Variants in TBC1D13 observed in about 807,000 individuals in gnomAD.
TBC1D13 encodes TBC1 domain family member 13.
A neutral mutation model predicts 53.6 loss-of-function variants in TBC1D13; 40 were observed. That is an observed-to-expected ratio of 0.75 (90% CI 0.58 to 0.97). TBC1D13 has a LOEUF of 0.97. Among genes scored for constraint, TBC1D13 ranks in the 50% least tolerant of loss-of-function variants. The probability of loss-of-function intolerance (pLI) is 0.00; values close to 1 mark genes in which losing one functional copy is unlikely to be tolerated. For missense variants in TBC1D13, 377 were observed against 499.4 expected (o/e 0.75, Z 2.34); for synonymous variants, 182 against 197.7 (o/e 0.92, Z 0.67).
rs1353082014 is a variant in TBC1D13, at chr9:128,804,166, A to G, written c.918+47A>G. On this transcript the variant is annotated intron_variant, in intron 9 of 11. Coordinates refer to ENST00000372648, the MANE Select transcript of TBC1D13 (RefSeq NM_018201.5). ...GGGTGGAAAGGGACAGGAGGCAGAG[A>G]GTTGCTGTGCCATCCCAGCCCAGGG... is the stretch of plus-strand genomic sequence containing the variant. 6 of 1,597,880 alleles carry G rather than the reference A, an allele frequency of 3.8e-6. No homozygotes were observed. In the African/African-American group the frequency reaches 6.7e-5, roughly 18 times the overall value.
intron 3 of TBC1D13, 21 bp downstream of exon 3, chr9:128,790,796 G>A: frequency 6.4e-7 from 1 of 1,558,486 alleles, no homozygotes; most frequent in Admixed American, 2.2e-5. Flanking sequence ...CTGGGGTGGG[G>A]CTTCTGCTCT....
At chr9:128,807,066 G>A (rs10988124) in intron 11 of TBC1D13, among the ~76,000 whole-genome samples, 84,326 of 151,164 alleles carry the variant, frequency 0.56, 28,306 homozygotes, top group Non-Finnish European at 0.72. Flanking sequence ...TCACCAGCAC[G>A]TGGCCTTAGT....
In TBC1D13 at chr9:128,793,354, T is replaced by C. The variant is rs538970241; in HGVS notation, c.383+780T>C. On this transcript the variant is annotated intron_variant, in intron 6 of 11. Coordinates refer to ENST00000372648, the MANE Select transcript of TBC1D13 (RefSeq NM_018201.5). ...TCCACTTGGTAAAGAAATGTGGAGA[T>C]GCTGGCTGTGCGGCCCTGTCGGGCT... Among the ~76,000 whole-genome samples, 4 of 152,376 alleles carry C rather than the reference T, an allele frequency of 2.6e-5. No homozygotes were observed. The East Asian group carries it at 7.7e-4, about 29-fold the overall frequency.
intron 9 of TBC1D13, among the ~76,000 whole-genome samples, chr9:128,804,841 G>T (rs1829803259): frequency 6.9e-6 from 1 of 144,190 alleles, no homozygotes; most frequent in Non-Finnish European, 1.5e-5. Flanking sequence ...CAATTCTCAT[G>T]CCTCAGCCTC....
At chr9:128,803,208 C>T (rs781599201) in intron 7 of TBC1D13, 42 bp from the exon 8 acceptor site, 1 of 1,584,702 alleles carries the variant, frequency 6.3e-7, no homozygotes, top group Non-Finnish European at 8.7e-7. Context: ...CCACTGACCC[C>T]AGCATTGTCT....
chr9:128,807,091 G>GTTT lies in TBC1D13; in HGVS notation c.1138-712_1138-710dup, dbSNP rs143057849. Reference sequence around the variant, plus strand: ...GTGGCCTTAGTGTTGCTTTGTTGTTGTTTTTTTTTTTTTGAGACAGAGTCT... The same window carrying GTTT: ...GTGGCCTTAGTGTTGCTTTGTTGTTGTTTTTTTTTTTTTTTTGAGACAGAGTCT... On this transcript the variant is annotated intron_variant, in intron 11 of 11. Coordinates refer to ENST00000372648, the MANE Select transcript of TBC1D13 (RefSeq NM_018201.5). Among the ~76,000 whole-genome samples, 1,138 of 141,858 alleles carry GTTT rather than the reference G, an allele frequency of 8.0e-3. 7 individuals carry two copies. Among genetic ancestry groups the GTTT allele is most frequent in the Middle Eastern group, 0.038 (10 of 266 alleles). The allele number at this position is 141,858 out of a possible 152,430, so 93.1% of individuals were successfully genotyped here. A position where few individuals can be genotyped will look rare whatever the true frequency, so the allele number is the denominator to read the frequency against.
intron 6 of TBC1D13, among the ~76,000 whole-genome samples, chr9:128,795,651 G>A (rs1026568144): frequency 6.6e-6 from 1 of 151,890 alleles, no homozygotes; most frequent in African/African-American, 2.4e-5. Context: ...CATTAGAGAC[G>A]AGGTTTCACC....
intron 1 of TBC1D13, 116 bp from the exon 2 acceptor site, chr9:128,788,218 T>C: frequency 8.3e-6 from 7 of 841,084 alleles, no homozygotes; most frequent in Non-Finnish European, 1.4e-5. Flanking sequence ...GATTTTTATG[T>C]CCTAAAGGGG....
At chr9:128,803,223 T>C (rs771439558) in intron 7 of TBC1D13, 27 bp from the exon 8 acceptor site, 1 of 1,606,534 alleles carries the variant, frequency 6.2e-7, no homozygotes, top group East Asian at 2.2e-5. Context: ...TTGTCTTTCT[T>C]GATGGGCTCC....
At chr9:128,804,730 T>G (rs1171809256) in intron 9 of TBC1D13, among the ~76,000 whole-genome samples, 5 of 101,160 alleles carry the variant, frequency 4.9e-5, no homozygotes, top group East Asian at 2.7e-4. Context: ...GTTTTTTTTT[T>G]TTTTTTTTTT....
At chr9:128,800,930 G>A (rs1366914022) in intron 7 of TBC1D13, among the ~76,000 whole-genome samples, 5 of 152,262 alleles carry the variant, frequency 3.3e-5, no homozygotes, top group South Asian at 4.1e-4. Context: ...GGGAGGCCAA[G>A]GCAGGTGGAT....
At chr9:128,797,320 C>A in intron 7 of TBC1D13, 106 bp downstream of exon 7, 3 of 1,234,172 alleles carry the variant, frequency 2.4e-6, no homozygotes, top group African/African-American at 1.5e-5. Context: ...ATCTGCTTGA[C>A]AGTTACTCAG....
intron 9 of TBC1D13, among the ~76,000 whole-genome samples, chr9:128,805,005 A>T (rs1011362363): frequency 6.6e-6 from 1 of 152,174 alleles, no homozygotes; most frequent in Non-Finnish European, 1.5e-5. Flanking sequence ...CTGGGATTAC[A>T]GGCATGAGCC....
chr9:128,806,074 A>G, intron 10 of TBC1D13, 55 bp downstream of exon 10: 1 of 1,597,578 alleles, frequency 6.3e-7, no homozygotes, highest in South Asian at 1.1e-5. Flanking sequence ...TGGAGAAGCC[A>G]GACAGGAGGA....
chr9:128,810,167 G>A lies in TBC1D13; in HGVS notation c.*2288G>A, dbSNP rs761544709. The stretch of plus-strand genomic sequence containing the variant: ...CCCAGCAGGACACCGCCTGCAGAAA[G>A]GACCTGCCCTGATAATGTCCCTTCC... On this transcript the variant is annotated 3_prime_UTR_variant, in exon 12 of 12. Transcript: ENST00000372648. 4.6e-5 allele frequency: 7 copies of A among 152,194 alleles called. No homozygotes were observed. The highest frequency in any genetic ancestry group is 7.3e-5 in the Non-Finnish European group (5 of 68,058). 9.4% of individuals were successfully genotyped at this position (152,194 alleles called of 1,614,324 possible). A position where few individuals can be genotyped will look rare whatever the true frequency, so the allele number is the denominator to read the frequency against.
intron 11 of TBC1D13, among the ~76,000 whole-genome samples, chr9:128,806,968 G>T (rs1449178386): frequency 3.3e-5 from 5 of 151,720 alleles, no homozygotes; most frequent in Non-Finnish European, 7.4e-5. Context: ...TGGGCTCAAG[G>T]GCCTACAGCT....
At position 128,789,812 on chromosome 9, in the gene TBC1D13, T is replaced by TATATATATATGTATGTATGTATAA. The variant is rs11269563; in HGVS notation, c.98-922_98-921insTATATATATGTATGTATGTATAAA. The TATATATATATGTATGTATGTATAA allele has an allele frequency of 4.2e-4, 56 of 132,310 alleles. 1 individual carries two copies. The highest frequency in any genetic ancestry group is 1.5e-3 in the African/African-American group (52 of 33,632). The allele number at this position is 132,310 out of a possible 1,614,324, so 8.2% of individuals were successfully genotyped here. On this transcript the variant is annotated intron_variant, in intron 2 of 11. Transcript: ENST00000372648. The stretch of plus-strand genomic sequence containing the variant: ...TACACCATATATATATATATATATA[T>TATATATATATGTATGTATGTATAA]AATAATTCCACTTATGACAGATGCT...
Position 128,791,394 on chromosome 9 carries a change from C to T in TBC1D13, c.153C>T (p.Tyr51=), listed in dbSNP as rs766690492. 1 of 1,614,190 alleles carries T rather than the reference C, an allele frequency of 6.2e-7. No individual in the cohort carries two copies. The highest frequency in any genetic ancestry group is 1.1e-5 in the South Asian group (1 of 91,086). Residue 51 remains tyrosine, a synonymous_variant, in exon 4 of 12, where the codon TAC becomes TAT. Coordinates refer to ENST00000372648, the MANE Select transcript of TBC1D13 (RefSeq NM_018201.5). The part of the protein sequence containing the change: ...RCLCWKILLN[Y]LPLERASWTS... ...CCTCTGTGCAGATTCTCTTGAACTACCTTCCCTTGGAGAGAGCCTCATGGA... is the reference window on the plus strand; with the variant it reads ...CCTCTGTGCAGATTCTCTTGAACTATCTTCCCTTGGAGAGAGCCTCATGGA...
rs1829586467 is a variant in TBC1D13 at position 128,794,288 on chromosome 9, T to A, written c.383+1714T>A. 2.0e-5 allele frequency among the ~76,000 whole-genome samples: 3 copies of A among 152,276 alleles called. No homozygotes were observed. In the South Asian group the frequency reaches 6.2e-4, roughly 32 times the overall value. ...CCAGGCTCATCTTCAGATGGCCCCA[T>A]GTGACCCCCGCACAGGGCAACTCAG... On this transcript the variant is annotated intron_variant, in intron 6 of 11. Coordinates refer to ENST00000372648, the MANE Select transcript of TBC1D13 (RefSeq NM_018201.5).
Sources: gnomAD v4.1 joint callset for allele counts (sites outside exome capture counted in the v4.1 genomes callset) on GRCh38, gnomAD v4.1.1 for gene constraint, MANE v1.5 for transcripts, NCBI Gene and HGNC (gene_info 2026-07-23, HGNC 2026-07-21) for gene names.